Variants in ZNF350 observed in about 807,000 individuals in gnomAD.
ZNF350 encodes KRAB zinc finger protein ZFQR.
Under a neutral mutation model 13.1 loss-of-function variants are expected in ZNF350, and 5 were observed. That is an observed-to-expected ratio of 0.38 (90% confidence interval 0.20 to 0.80). The LOEUF (loss-of-function observed/expected upper bound fraction) is 0.80, where lower values mean the gene tolerates loss of function less well. Ranked by LOEUF, ZNF350 falls within the 30% of genes least tolerant of loss-of-function variation. ZNF350 has a pLI of 0.43. For missense variants in ZNF350, 534 were observed against 644.2 expected (o/e 0.83, Z 1.85); for synonymous variants, 199 against 224.2 (o/e 0.89, Z 1.00).
At position 51,976,694 on chromosome 19, in the gene ZNF350, A is replaced by G. The variant is rs765154078; in HGVS notation, c.-171-2163T>C. ...AGAAAAACATTATGTGCAGTTGCTT[A>G]AAGTTCTGTTGAGACAGTCTGCAGC... On this transcript the variant is annotated intron_variant, in intron 1 of 4. Transcript: ENST00000243644. This position sits in a 1 kb window ranked among gnomAD's most constrained non-coding sequence, Gnocchi z 4.5. The G allele has an allele frequency of 6.6e-6, 1 of 152,222 alleles. No individual in the cohort carries two copies. 9.4% of individuals were successfully genotyped at this position (152,222 alleles called of 1,614,324 possible).
chr19:51,965,131 C>T lies in ZNF350; in HGVS notation c.1322G>A (p.Arg441Lys), dbSNP rs144263666. 5.3e-4 allele frequency: 860 copies of T among 1,614,094 alleles called. 1 individual carries two copies. Among genetic ancestry groups the T allele is most frequent in the Non-Finnish European group, 6.8e-4 (800 of 1,180,056 alleles). Residue 441 changes from arginine to lysine, a missense_variant, in exon 5 of 5, where the codon AGG becomes AAG. Coordinates refer to ENST00000243644, the MANE Select transcript of ZNF350 (RefSeq NM_021632.4). ...AAKVENPPAERHSSLHTSDVM... is the reference protein window; with the variant it reads ...AAKVENPPAEKHSSLHTSDVM... ...ATCACTGGTGTGTAATGAGCTGTGC[C>T]TCTCTGCAGGAGGATTTTCCACCTT...
chr19:51,968,352 C>T (rs934786362), intron 4 of ZNF350: 8 of 546,672 alleles, frequency 1.5e-5, no homozygotes, highest in Non-Finnish European at 2.6e-5. Context: ...GGCAAACAAA[C>T]AATATGTAGA....
At chr19:51,983,752 T>TA (rs1263816314) in intron 1 of ZNF350, among the ~76,000 whole-genome samples, 1 of 151,762 alleles carries the variant, frequency 6.6e-6, no homozygotes, top group African/African-American at 2.4e-5. Flanking sequence ...ACCAAGATGG[T>TA]AAAAATAGTA....
At chr19:51,968,411 T>G (rs1413127727) in intron 4 of ZNF350, 167 bp downstream of exon 4, 1 of 608,108 alleles carries the variant, frequency 1.6e-6, no homozygotes, top group East Asian at 2.9e-5. Context: ...TTTTGTTTTG[T>G]TTTTTTTTAA....
intron 1 of ZNF350, among the ~76,000 whole-genome samples, chr19:51,977,451 T>C (rs1188836780): frequency 1.1e-4 from 17 of 152,204 alleles, no homozygotes; most frequent in Non-Finnish European, 1.5e-5. Context: ...AGAACCATGC[T>C]GCTGGACACG....
intron 2 of ZNF350, 71 bp from the exon 3 acceptor site, chr19:51,969,202 G>C: frequency 1.3e-6 from 2 of 1,568,454 alleles, no homozygotes; most frequent in Non-Finnish European, 8.7e-7. Context: ...AAGTTTTTCT[G>C]CTCATTTCCA....
Position 51,965,714 on chromosome 19 carries a change from A to C in ZNF350, c.739T>G (p.Phe247Val). The change falls in exon 5 of 5, where the codon TTC becomes GTC. Residue 247 changes from phenylalanine to valine, a missense_variant. Transcript: ENST00000243644. Reference protein sequence around the residue: ...SLCEKAFSRKFMLTEHQRTHT... With the variant: ...SLCEKAFSRKVMLTEHQRTHT... ...GTTCGCTGATGTTCAGTAAGCATGA[A>C]CTTTCTGGAGAAGGCTTTCTCACAT... The C allele has an allele frequency of 6.2e-7, 1 of 1,613,990 alleles. No homozygotes were observed. The highest frequency in any genetic ancestry group is 8.5e-7 in the Non-Finnish European group (1 of 1,179,968).
intron 1 of ZNF350, 179 bp downstream of exon 1, chr19:51,986,589 CAG>C (rs1178240621): frequency 3.3e-5 from 5 of 152,908 alleles, no homozygotes; most frequent in Middle Eastern, 3.3e-3. Context: ...GGACCACAGA[CAG>C]GGGGATCACA....
chr19:51,981,660 G>C (rs1404039556), intron 1 of ZNF350, among the ~76,000 whole-genome samples: 1 of 152,124 alleles, frequency 6.6e-6, no homozygotes. Context: ...AAGATAATCT[G>C]TTATAACTAT....
At chr19:51,971,604 TAG>T (rs2085739617) in intron 2 of ZNF350, among the ~76,000 whole-genome samples, 1 of 152,200 alleles carries the variant, frequency 6.6e-6, no homozygotes. Flanking sequence ...CTGCAACATT[TAG>T]AGAATGTAGT....
chr19:51,972,120 C>A (rs1415524764), intron 2 of ZNF350, among the ~76,000 whole-genome samples: 1 of 151,788 alleles, frequency 6.6e-6, no homozygotes, highest in African/African-American at 2.4e-5. Flanking sequence ...TCAGCATAAG[C>A]AAGTGGGAAT....
chr19:51,975,244 G>A (rs1230639765), intron 1 of ZNF350, among the ~76,000 whole-genome samples: 7 of 151,974 alleles, frequency 4.6e-5, no homozygotes, highest in Admixed American at 6.5e-5. Context: ...CGAGGCGGGT[G>A]GATCACCTGA....
In ZNF350 at chr19:51,976,681, T is replaced by C. The variant is rs1568484719; in HGVS notation, c.-171-2150A>G. On this transcript the variant is annotated intron_variant, in intron 1 of 4. Coordinates refer to ENST00000243644, the MANE Select transcript of ZNF350 (RefSeq NM_021632.4). This position sits in a 1 kb window ranked among gnomAD's most constrained non-coding sequence, Gnocchi z 4.5. ...ATTTGTCTATTGAAGAAAAACATTA[T>C]GTGCAGTTGCTTAAAGTTCTGTTGA... is the stretch of plus-strand genomic sequence containing the variant. The C allele has an allele frequency of 6.6e-6, 1 of 152,214 alleles. No homozygotes were observed. Among genetic ancestry groups the C allele is most frequent in the Non-Finnish European group, 1.5e-5 (1 of 68,056 alleles). 9.4% of individuals were successfully genotyped at this position (152,214 alleles called of 1,614,324 possible).
intron 2 of ZNF350, among the ~76,000 whole-genome samples, chr19:51,969,572 CT>C (rs1380546754): frequency 6.6e-6 from 1 of 152,076 alleles, no homozygotes; most frequent in East Asian, 1.9e-4. Context: ...TAGATCACAC[CT>C]GTAATCCCAG....
intron 1 of ZNF350, 127 bp from the exon 2 acceptor site, chr19:51,974,658 A>C (rs1333138358): frequency 1.1e-5 from 3 of 265,366 alleles, no homozygotes; most frequent in Non-Finnish European, 2.2e-5. Flanking sequence ...CTTTGTTTGG[A>C]GCCCCAGCGG....
intron 1 of ZNF350, chr19:51,982,180 A>G (rs1158362929): frequency 6.6e-6 from 1 of 152,262 alleles, no homozygotes; most frequent in African/African-American, 2.4e-5. Context: ...GAGTAGCCAT[A>G]AAATGCCATT....
At chr19:51,978,896 C>T (rs2085963575) in intron 1 of ZNF350, among the ~76,000 whole-genome samples, 1 of 152,122 alleles carries the variant, frequency 6.6e-6, no homozygotes, top group Non-Finnish European at 1.5e-5. Context: ...TTATGGAAAT[C>T]CCCAGAAGGA....
chr19:51,977,762 A>G (rs935484131), intron 1 of ZNF350, among the ~76,000 whole-genome samples: 1 of 152,192 alleles, frequency 6.6e-6, no homozygotes, highest in Non-Finnish European at 1.5e-5. Flanking sequence ...TGTACTGTAA[A>G]CGTGCACTGG....
intron 4 of ZNF350, 27 bp downstream of exon 4, chr19:51,968,551 A>G: frequency 6.2e-7 from 1 of 1,601,392 alleles, no homozygotes; most frequent in Non-Finnish European, 8.6e-7. Context: ...TGACTTCCAT[A>G]GCCTTCTGTC....
Sources: allele counts gnomAD v4.1 joint callset (sites outside exome capture counted in the v4.1 genomes callset), GRCh38; gene constraint gnomAD v4.1.1; non-coding constraint Gnocchi (gnomAD v3.1); transcripts MANE v1.5; gene names NCBI Gene and HGNC (gene_info 2026-07-23, HGNC 2026-07-21).